PTPRD: variants seen among roughly 807,000 people sequenced by gnomAD.
The protein encoded by PTPRD is protein tyrosine phosphatase receptor type D.
Under a neutral mutation model 214.5 loss-of-function variants are expected in PTPRD, and 34 were observed. The observed-to-expected ratio is 0.16, with a 90% CI of 0.12 to 0.21. The LOEUF is 0.21. Among genes scored for constraint, PTPRD ranks in the 10% least tolerant of loss-of-function variants. The probability of loss-of-function intolerance (pLI) is 1.00; values close to 1 mark genes in which losing one functional copy is unlikely to be tolerated. For synonymous variants in PTPRD, 1,128 were observed against 845.7 expected, an observed-to-expected ratio of 1.33 and a Z score of -5.79; for missense variants, 2,545 against 2,398.7, an observed-to-expected ratio of 1.06 and a Z score of -1.27.
chr9:8,810,028 T>G (rs1044257099), intron 11 of PTPRD, among the ~76,000 whole-genome samples: 6 of 152,160 alleles, frequency 3.9e-5, no homozygotes, highest in African/African-American at 1.4e-4. Flanking sequence ...ATCAGTCCTC[T>G]GGGCCCCAAG....
chr9:10,107,403 AT>A (rs1166583058), intron 3 of PTPRD, among the ~76,000 whole-genome samples: 1 of 152,132 alleles, frequency 6.6e-6, no homozygotes, highest in East Asian at 1.9e-4. Context: ...AACATGACTC[AT>A]TTTTTTGTTG....
intron 10 of PTPRD, among the ~76,000 whole-genome samples, chr9:9,153,242 T>C (rs1592527237): frequency 1.3e-5 from 2 of 152,166 alleles, no homozygotes; most frequent in Non-Finnish European, 2.9e-5. Flanking sequence ...AACAAGTAAA[T>C]ATAAATTCTC....
intron 3 of PTPRD, among the ~76,000 whole-genome samples, chr9:10,195,674 G>A (rs971447559): frequency 2.0e-5 from 3 of 151,972 alleles, no homozygotes; most frequent in Non-Finnish European, 4.4e-5. Context: ...ATAATTCAAG[G>A]TTATTTGCAA....
chr9:8,336,943 AAAC>A (rs1847524484), intron 43 of PTPRD, among the ~76,000 whole-genome samples: 3 of 152,322 alleles, frequency 2.0e-5, no homozygotes, highest in African/African-American at 7.2e-5. Flanking sequence ...AAAAGTCAGG[AAAC>A]AACAGATGCT....
At chr9:8,631,995 T>G (rs1314898807) in intron 14 of PTPRD, among the ~76,000 whole-genome samples, 1 of 151,890 alleles carries the variant, frequency 6.6e-6, no homozygotes, top group East Asian at 1.9e-4. Flanking sequence ...TTACATGCAT[T>G]TAAAAGATAT....
At chr9:9,163,700 T>A (rs1004876910) in intron 10 of PTPRD, among the ~76,000 whole-genome samples, 2 of 152,108 alleles carry the variant, frequency 1.3e-5, no homozygotes, top group African/African-American at 4.8e-5. Flanking sequence ...AGATCAAACC[T>A]CTAACCATTT....
chr9:10,365,457 C>G (rs368389690), intron 2 of PTPRD, among the ~76,000 whole-genome samples: 1 of 152,112 alleles, frequency 6.6e-6, no homozygotes, highest in Non-Finnish European at 1.5e-5. Context: ...TAGAATATTC[C>G]TGTCCATATT....
intron 7 of PTPRD, among the ~76,000 whole-genome samples, chr9:9,687,043 C>T (rs934291103): frequency 6.6e-6 from 1 of 151,696 alleles, no homozygotes; most frequent in African/African-American, 2.4e-5. Flanking sequence ...TTCTCTATCC[C>T]AGCACCTAAC....
intron 3 of PTPRD, among the ~76,000 whole-genome samples, chr9:10,205,973 C>T (rs2099473355): frequency 6.7e-6 from 1 of 150,092 alleles, no homozygotes; most frequent in African/African-American, 2.5e-5. Flanking sequence ...TCACAATGAG[C>T]TTTTAATCTA....
chr9:9,426,297 G>T (rs4384036), intron 8 of PTPRD, among the ~76,000 whole-genome samples: 14,091 of 152,262 alleles, frequency 0.093, 719 homozygotes, highest in Non-Finnish European at 0.11. Context: ...CGCCCATGGA[G>T]CCCTGCTCAG....
chr9:10,110,104 C>T (rs959642589), intron 3 of PTPRD, among the ~76,000 whole-genome samples: 10 of 152,156 alleles, frequency 6.6e-5, no homozygotes, highest in Non-Finnish European at 8.8e-5. Flanking sequence ...TAAATTTCCT[C>T]ATAATAGGGC....
At chr9:8,502,510 T>C (rs759777068) in intron 23 of PTPRD, among the ~76,000 whole-genome samples, 6 of 152,022 alleles carry the variant, frequency 3.9e-5, no homozygotes, top group Non-Finnish European at 8.8e-5. Flanking sequence ...AAAAAAGAAA[T>C]CCTCATAGGA....
intron 11 of PTPRD, among the ~76,000 whole-genome samples, chr9:8,837,112 G>C (rs928227578): frequency 3.4e-5 from 5 of 145,386 alleles, no homozygotes; most frequent in Non-Finnish European, 7.4e-5. Context: ...TCCAACCTCC[G>C]CCTTCCAGGT....
rs768959073 is a variant in PTPRD, at chr9:8,339,088, A to G, written c.5254-41T>C. 1.9e-6 allele frequency: 3 copies of G among 1,580,056 alleles called. No homozygotes were observed. The African/African-American group carries it at 4.0e-5, about 21-fold the overall frequency. ...ATTAATGTTAAACTATGCAAAGTAT[A>G]AAGAACATTCTGTATATTATCTATC... On this transcript the variant is annotated intron_variant, in intron 42 of 45. Coordinates refer to ENST00000381196, the MANE Select transcript of PTPRD (RefSeq NM_002839.4).
chr9:9,050,128 T>C (rs1193653080), intron 10 of PTPRD, among the ~76,000 whole-genome samples: 3 of 152,218 alleles, frequency 2.0e-5, no homozygotes, highest in African/African-American at 7.2e-5. Context: ...TGTTTTCTTA[T>C]CTCCAAAGGC....
intron 2 of PTPRD, among the ~76,000 whole-genome samples, chr9:10,419,220 G>A (rs1341346590): frequency 2.0e-5 from 3 of 151,932 alleles, no homozygotes; most frequent in African/African-American, 7.2e-5. Flanking sequence ...CTCAAGCCCT[G>A]TGATATCCCA....
At chr9:8,869,084 G>T (rs113488696) in intron 11 of PTPRD, among the ~76,000 whole-genome samples, 8 of 152,062 alleles carry the variant, frequency 5.3e-5, no homozygotes, top group Admixed American at 1.3e-4. Flanking sequence ...AACAAAAAAA[G>T]AAAGAATTGG....
At chr9:9,762,813 G>A (rs976994804) in intron 6 of PTPRD, among the ~76,000 whole-genome samples, 1 of 152,112 alleles carries the variant, frequency 6.6e-6, no homozygotes, top group African/African-American at 2.4e-5. Flanking sequence ...CCTATTTCTT[G>A]ATGTCAAAGT....
At chr9:10,556,095 C>T (rs1288208251) in intron 2 of PTPRD, among the ~76,000 whole-genome samples, 1 of 152,074 alleles carries the variant, frequency 6.6e-6, no homozygotes, top group Non-Finnish European at 1.5e-5. Context: ...TCTGAGGCCT[C>T]ATCCTAAAAA....
Sources: gnomAD v4.1 joint callset for allele counts (sites outside exome capture counted in the v4.1 genomes callset) on GRCh38, gnomAD v4.1.1 for gene constraint, MANE v1.5 for transcripts, NCBI Gene and HGNC (gene_info 2026-07-23, HGNC 2026-07-21) for gene names.